Variants in CDC27 observed in about 807,000 individuals in gnomAD.
CDC27 encodes the protein cell division cycle protein 27 homolog.
In CDC27, 27 loss-of-function variants were observed where a neutral mutation model predicts 109.7. The ratio of observed to expected loss-of-function variants is 0.25; its 90% CI spans 0.18 to 0.34. The LOEUF is 0.34. Among genes scored for constraint, CDC27 ranks in the 10% least tolerant of loss-of-function variants. CDC27 has a pLI of 1.00. For missense variants in CDC27, 579 were observed against 960.2 expected (o/e 0.60, Z 5.25); for synonymous variants, 266 against 333.9 (o/e 0.80, Z 2.22).
Position 47,125,557 on chromosome 17 carries a change from C to CT in CDC27, c.2161-1598dup, listed in dbSNP as rs577379393. 4.8e-3 allele frequency among the ~76,000 whole-genome samples: 702 copies of CT among 145,314 alleles called. 2 individuals are homozygous for CT. The highest frequency in any genetic ancestry group is 8.4e-3 in the African/African-American group (335 of 39,748). ...CATCATGCCTAGCCTTTAAAGAAAT[C>CT]TTTTTTTTTTTCCCTGAGATGGAGT... is the stretch of plus-strand genomic sequence containing the variant. On this transcript the variant is annotated intron_variant, in intron 16 of 18. Transcript: ENST00000066544.
chr17:47,123,402 CTTTTTTTT>C (rs57868315), intron 17 of CDC27, among the ~76,000 whole-genome samples: 108 of 123,000 alleles, frequency 8.8e-4, no homozygotes, highest in African/African-American at 2.9e-3. Flanking sequence ...TTTTTTTCTA[CTTTTTTTT>C]TTTTTTTTTT....
In CDC27 at chr17:47,154,780, C is replaced by G. The variant is rs77277197; in HGVS notation, c.849G>C (p.Gly283=). The part of the protein sequence containing the change: ...AALSPLTPSF[G]ILPLETPSPG... Reference sequence around the variant, plus strand: ...GACTTGGGGTTTCTAATGGCAAAATCCCAAAACTGAGAAGAGGTTGAAATC... The same window carrying G: ...GACTTGGGGTTTCTAATGGCAAAATGCCAAAACTGAGAAGAGGTTGAAATC... Residue 283 remains glycine (G), a synonymous_variant, in exon 8 of 19, where the codon GGG becomes GGC. Coordinates refer to ENST00000066544, the MANE Select transcript of CDC27 (RefSeq NM_001256.6). 1 of 1,542,976 alleles carries G rather than the reference C, an allele frequency of 6.5e-7. No homozygotes were observed. The highest frequency in any genetic ancestry group is 1.1e-5 in the South Asian group (1 of 88,950).
chr17:47,151,968 AATG>A (rs1192158953), intron 8 of CDC27, 50 bp from the exon 9 acceptor site: 4 of 1,526,274 alleles, frequency 2.6e-6, no homozygotes, highest in Non-Finnish European at 3.5e-6. Context: ...CTGCACTGTA[AATG>A]ATAAAAGACA....
chr17:47,185,531 T>G (rs2064403621), intron 1 of CDC27, among the ~76,000 whole-genome samples: 1 of 152,134 alleles, frequency 6.6e-6, no homozygotes, highest in South Asian at 2.1e-4. Flanking sequence ...ACAAAAAATT[T>G]GTTTACTTGT....
Position 47,147,738 on chromosome 17 carries a change from A to C in CDC27, c.1071-3756T>G, listed in dbSNP as rs182531663. On this transcript the variant is annotated intron_variant, in intron 9 of 18. Coordinates refer to ENST00000066544, the MANE Select transcript of CDC27 (RefSeq NM_001256.6). ...TTGTCCTTGTCTCTACAAAAAAATA[A>C]AAAATAAAAATAATCAGCCACATGT... Among the ~76,000 whole-genome samples, 29 of 151,848 alleles carry C rather than the reference A, an allele frequency of 1.9e-4. No individual in the cohort carries two copies. In the East Asian group the frequency reaches 5.4e-3, roughly 29 times the overall value.
intron 4 of CDC27, chr17:47,159,763 G>A: frequency 2.4e-6 from 1 of 424,790 alleles, no homozygotes; most frequent in South Asian, 1.9e-5. Flanking sequence ...TCAAAACCTT[G>A]TGCTTGAGAG....
At chr17:47,133,028 T>TATATATAC (rs1555783886) in intron 14 of CDC27, among the ~76,000 whole-genome samples, 102 of 29,770 alleles carry the variant, frequency 3.4e-3, no homozygotes, top group Non-Finnish European at 4.4e-3. Flanking sequence ...TATATATATA[T>TATATATAC]ACACACACAC....
intron 3 of CDC27, 28 bp downstream of exon 3, chr17:47,171,889 A>G: frequency 6.5e-7 from 1 of 1,547,450 alleles, no homozygotes; most frequent in South Asian, 1.2e-5. Flanking sequence ...AGTAAAACAA[A>G]ATAGCTAGAA....
chr17:47,143,660 T>C (rs2062865369), intron 10 of CDC27, among the ~76,000 whole-genome samples: 1 of 152,148 alleles, frequency 6.6e-6, no homozygotes, highest in South Asian at 2.1e-4. Context: ...TATGTCATTT[T>C]TAACTTGAGA....
At chr17:47,175,226 T>C (rs1040653930) in intron 2 of CDC27, among the ~76,000 whole-genome samples, 2 of 152,196 alleles carry the variant, frequency 1.3e-5, no homozygotes, top group African/African-American at 4.8e-5. Flanking sequence ...CAGATACATT[T>C]ACATCAAACA....
intron 16 of CDC27, among the ~76,000 whole-genome samples, chr17:47,126,313 T>C (rs1278865306): frequency 3.3e-5 from 5 of 152,184 alleles, no homozygotes; most frequent in African/African-American, 1.2e-4. Flanking sequence ...CATTTCTATA[T>C]CTAATCCATG....
chr17:47,147,104 T>A (rs1245750846), intron 9 of CDC27, among the ~76,000 whole-genome samples: 1 of 151,714 alleles, frequency 6.6e-6, no homozygotes, highest in African/African-American at 2.4e-5. Context: ...GACATCCAAT[T>A]AAAAAACACT....
chr17:47,155,573 A>G (rs1232484064), intron 7 of CDC27, among the ~76,000 whole-genome samples: 1 of 152,042 alleles, frequency 6.6e-6, no homozygotes, highest in African/African-American at 2.4e-5. Flanking sequence ...TTTCATTTTG[A>G]TACTTTTGGA....
At chr17:47,131,329 C>T (rs2062324259) in intron 15 of CDC27, among the ~76,000 whole-genome samples, 1 of 152,086 alleles carries the variant, frequency 6.6e-6, no homozygotes. Flanking sequence ...TTACTGTCAA[C>T]TTTTTTTTCT....
rs9630738 is a variant in CDC27 at position 47,142,596 on chromosome 17, T to A, written c.1171-160A>T. 4.2e-3 allele frequency among the ~76,000 whole-genome samples: 641 copies of A among 152,286 alleles called. 7 individuals carry two copies. The highest frequency in any genetic ancestry group is 0.015 in the African/African-American group (611 of 41,560). ...TAAAAACAAAGGTCTTCAAAGTCAT[T>A]TAATTTTAAACACAGTAATTCTGAA... On this transcript the variant is annotated intron_variant, in intron 10 of 18. Transcript: ENST00000066544.
At chr17:47,184,000 T>C (rs1184818273) in intron 1 of CDC27, among the ~76,000 whole-genome samples, 3 of 152,202 alleles carry the variant, frequency 2.0e-5, no homozygotes, top group Admixed American at 6.5e-5. Context: ...TACCACCAAA[T>C]TACTCCTTTA....
chr17:47,120,955 C>T lies in CDC27; in HGVS notation c.2455G>A (p.Ala819Thr). Residue 819 changes from alanine (A) to threonine (T), a missense_variant, in exon 19 of 19, where the codon GCT becomes ACT. Coordinates refer to ENST00000066544, the MANE Select transcript of CDC27 (RefSeq NM_001256.6). The part of the protein sequence containing the change: ...TDADDTQLHA[A>T]ESDEF Reference sequence around the variant, plus strand: ...AGAAGTTAAAATTCATCACTTTCAGCTGCATGAAGTTGTGTGTCATCCGCA... The same window carrying T: ...AGAAGTTAAAATTCATCACTTTCAGTTGCATGAAGTTGTGTGTCATCCGCA... The T allele has an allele frequency of 6.2e-7, 1 of 1,612,490 alleles. No homozygotes were observed. Among genetic ancestry groups the T allele is most frequent in the Non-Finnish European group, 8.5e-7 (1 of 1,178,882 alleles).
At chr17:47,165,469 C>T (rs902759264) in intron 4 of CDC27, among the ~76,000 whole-genome samples, 1 of 152,194 alleles carries the variant, frequency 6.6e-6, no homozygotes, top group African/African-American at 2.4e-5. Context: ...CATCCATATA[C>T]TCTCTTTGGT....
rs150116111 is a variant in CDC27 at position 47,154,691 on chromosome 17, G to C, written c.938C>G (p.Thr313Ser). Residue 313 changes from threonine to serine, a missense_variant, in exon 8 of 19, where the codon ACC (threonine) becomes AGC (serine). By Grantham distance (58) the Thr-to-Ser change is moderately conservative. This residue lies in a region of CDC27 where 74 missense variants were observed against 148.9 expected (regional missense o/e 0.50). Transcript: ENST00000066544. ...AAATACCTTTTTTGAAGGGGCTCCG[G>C]TGGATGGCACATCAATTACAGGAGG... ...NTPPVIDVPS[T>S]GAPSKKSVAR... The C allele has an allele frequency of 3.8e-6, 6 of 1,591,136 alleles. No homozygotes were observed. The highest frequency in any genetic ancestry group is 3.3e-5 in the Admixed American group (2 of 59,790).
Sources: allele counts gnomAD v4.1 joint callset (sites outside exome capture counted in the v4.1 genomes callset), GRCh38; gene constraint gnomAD v4.1.1; regional missense constraint gnomAD v4.1.1; transcripts MANE v1.5; gene names NCBI Gene and HGNC (gene_info 2026-07-23, HGNC 2026-07-21).